KAZN: variants seen among roughly 807,000 people sequenced by gnomAD.
KAZN encodes the protein kazrin.
A neutral mutation model predicts 87.4 loss-of-function variants in KAZN; 40 were observed. That is an observed-to-expected ratio of 0.46 (90% CI 0.36 to 0.60). The LOEUF (loss-of-function observed/expected upper bound fraction) is 0.60, where lower values mean the gene tolerates loss of function less well. Ranked by LOEUF, KAZN falls within the 20% of genes least tolerant of loss-of-function variation. The pLI, the probability that KAZN is intolerant of heterozygous loss-of-function variation, is 0.00. For missense variants in KAZN, 898 were observed against 1,073.9 expected, an observed-to-expected ratio of 0.84 and a Z score of 2.29; for synonymous variants, 466 against 458.3, an observed-to-expected ratio of 1.02 and a Z score of -0.22.
intron 1 of KAZN, among the ~76,000 whole-genome samples, chr1:14,057,894 G>A (rs1642639570): frequency 6.6e-6 from 1 of 152,198 alleles, no homozygotes. Flanking sequence ...AAATTAATGT[G>A]ACTAGAGTGC....
intron 2 of KAZN, among the ~76,000 whole-genome samples, chr1:14,299,092 T>C (rs767957853): frequency 6.6e-6 from 1 of 152,208 alleles, no homozygotes. Context: ...GAGCTACTAC[T>C]GTGTGCCAAG....
intron 2 of KAZN, among the ~76,000 whole-genome samples, chr1:14,498,823 C>T (rs755329323): frequency 1.3e-5 from 2 of 152,116 alleles, no homozygotes; most frequent in Non-Finnish European, 2.9e-5. Flanking sequence ...CAGCAAGCCC[C>T]TGTCTAAGTA....
At chr1:14,985,445 G>C (rs1361148230) in intron 2 of KAZN, among the ~76,000 whole-genome samples, 1 of 151,394 alleles carries the variant, frequency 6.6e-6, no homozygotes, top group Non-Finnish European at 1.5e-5. Context: ...CAGGAGGATG[G>C]CTTAAGCCCA....
At chr1:14,873,768 T>A (rs1652443580) in intron 1 of KAZN, among the ~76,000 whole-genome samples, 1 of 152,090 alleles carries the variant, frequency 6.6e-6, no homozygotes, top group Non-Finnish European at 1.5e-5. Flanking sequence ...ACTGCAATCA[T>A]CTAGGCATGA....
intron 2 of KAZN, among the ~76,000 whole-genome samples, chr1:14,575,072 G>A (rs1211086652): frequency 3.3e-5 from 5 of 152,150 alleles, no homozygotes; most frequent in Admixed American, 2.0e-4. Flanking sequence ...TATTTCACAC[G>A]AAGGAATTTA....
chr1:14,243,089 A>G (rs941965694), intron 2 of KAZN, among the ~76,000 whole-genome samples: 3 of 152,138 alleles, frequency 2.0e-5, no homozygotes, highest in African/African-American at 7.2e-5. Context: ...CACCCACCAC[A>G]TCACTCAAGA....
At chr1:14,011,810 C>T (rs1640326625) in intron 1 of KAZN, among the ~76,000 whole-genome samples, 1 of 152,134 alleles carries the variant, frequency 6.6e-6, no homozygotes, top group Non-Finnish European at 1.5e-5. Context: ...TGTATTAATA[C>T]ATGAATTAAT....
chr1:14,476,567 T>C (rs1015450174), intron 2 of KAZN, among the ~76,000 whole-genome samples: 2 of 152,224 alleles, frequency 1.3e-5, no homozygotes, highest in Non-Finnish European at 2.9e-5. Flanking sequence ...TACTGGTAAT[T>C]ACTTTTCTTG....
chr1:13,941,531 G>A (rs568957463), intron 1 of KAZN, among the ~76,000 whole-genome samples: 16 of 152,106 alleles, frequency 1.1e-4, no homozygotes, highest in East Asian at 1.9e-4. Context: ...ATTTTTTGGC[G>A]AGTGCCTATG....
At chr1:14,834,014 CACACAT>C (rs1647138669) in intron 1 of KAZN, among the ~76,000 whole-genome samples, 12 of 145,704 alleles carry the variant, frequency 8.2e-5, no homozygotes, top group African/African-American at 2.7e-4. Context: ...CACACATACA[CACACAT>C]ACATACATAT....
chr1:14,851,933 A>T (rs192438110), intron 1 of KAZN, among the ~76,000 whole-genome samples: 1 of 152,336 alleles, frequency 6.6e-6, no homozygotes, highest in East Asian at 1.9e-4. Flanking sequence ...CTAGACATGG[A>T]GACCCAGGTC....
At chr1:14,986,104 T>C (rs764221594) in intron 2 of KAZN, among the ~76,000 whole-genome samples, 2 of 151,868 alleles carry the variant, frequency 1.3e-5, no homozygotes, top group Admixed American at 1.3e-4. Context: ...GAGAGTGGAT[T>C]GCAACATGTA....
intron 1 of KAZN, among the ~76,000 whole-genome samples, chr1:14,803,634 G>A (rs1230874404): frequency 6.6e-6 from 1 of 152,234 alleles, no homozygotes; most frequent in Non-Finnish European, 1.5e-5. Context: ...ATTAGGCAGA[G>A]CCACAAGTGG....
chr1:14,079,686 T>C (rs988132570), intron 1 of KAZN, among the ~76,000 whole-genome samples: 2 of 152,158 alleles, frequency 1.3e-5, no homozygotes, highest in African/African-American at 4.8e-5. Flanking sequence ...AACTATTTCG[T>C]GGGAAAGTTA....
At chr1:14,103,022 C>G (rs966888646) in intron 1 of KAZN, among the ~76,000 whole-genome samples, 3 of 151,902 alleles carry the variant, frequency 2.0e-5, no homozygotes, top group Non-Finnish European at 4.4e-5. Flanking sequence ...GATTCTCATG[C>G]CTTCATGCCT....
intron 1 of KAZN, among the ~76,000 whole-genome samples, chr1:14,126,361 C>A (rs1015844579): frequency 8.0e-5 from 12 of 150,218 alleles, no homozygotes; most frequent in Admixed American, 3.3e-4. Context: ...CCTCCCCCCC[C>A]CCGTCAAGAT....
intron 1 of KAZN, among the ~76,000 whole-genome samples, chr1:14,816,226 C>A (rs1646559302): frequency 6.6e-6 from 1 of 152,088 alleles, no homozygotes; most frequent in African/African-American, 2.4e-5. Flanking sequence ...ACTTGGTGGC[C>A]TCCAGCAATA....
intron 1 of KAZN, among the ~76,000 whole-genome samples, chr1:14,748,335 T>C (rs1438997909): frequency 1.3e-5 from 2 of 152,226 alleles, no homozygotes; most frequent in Admixed American, 1.3e-4. Context: ...AGCTCATTCA[T>C]TGGCGTTTCC....
In KAZN at chr1:14,144,799, G is replaced by T. The variant is rs563814665; in HGVS notation, c.92-35636G>T. Among the ~76,000 whole-genome samples, 18 of 152,264 alleles carry T rather than the reference G, an allele frequency of 1.2e-4. No individual in the cohort carries two copies. The South Asian group carries it at 2.9e-3, about 25-fold the overall frequency. The stretch of plus-strand genomic sequence containing the variant: ...TCACATGGCACGAAAGGAAGCAAGT[G>T]GGGGGAAGTTCCAGGCTCCTTTTAA... On this transcript the variant is annotated intron_variant, in intron 1 of 16. Coordinates refer to the KAZN transcript ENST00000636203.
Sources: allele counts gnomAD v4.1 joint callset (sites outside exome capture counted in the v4.1 genomes callset), GRCh38; gene constraint gnomAD v4.1.1; transcripts MANE v1.5; gene names NCBI Gene and HGNC (gene_info 2026-07-23, HGNC 2026-07-21).